Variants in ANKRD34C observed in about 807,000 individuals in gnomAD.
The protein encoded by ANKRD34C is ankyrin repeat domain 34C, also known as ankyrin repeat domain-containing protein 34C.
For synonymous variants in ANKRD34C, 260 were observed against 253.6 expected (o/e 1.03, Z -0.24); for missense variants, 563 against 653.0 (o/e 0.86, Z 1.50).
chr15:79,283,904 C>G (rs2058636379), intron 1 of ANKRD34C: 1 of 152,240 alleles, frequency 6.6e-6, no homozygotes, highest in African/African-American at 2.4e-5. Flanking sequence ...AAAGGGCTCT[C>G]GAATCGCAAA....
rs1329624570 is a variant in ANKRD34C, at chr15:79,293,436, C to T, written c.152C>T (p.Ala51Val). The change falls in exon 2 of 2, where the codon GCG (alanine) becomes GTG (valine). Residue 51 changes from alanine (A) to valine (V), a missense_variant. Ala to Val is a moderately conservative substitution (Grantham distance 64, BLOSUM62 0). Coordinates refer to ENST00000421388, the MANE Select transcript of ANKRD34C (RefSeq NM_001146341.2). ...NDKGETALMV[A>V]CITKHVDQQS... The stretch of plus-strand genomic sequence containing the variant: ...AAAGGCGAAACAGCTCTCATGGTGG[C>T]GTGCATCACCAAACATGTGGACCAG... The T allele has an allele frequency of 8.4e-6, 13 of 1,551,560 alleles. No homozygotes were observed. Among genetic ancestry groups the T allele is most frequent in the South Asian group, 5.9e-5 (5 of 84,050 alleles).
chr15:79,294,374 T>C lies in ANKRD34C; in HGVS notation c.1090T>C (p.Ser364Pro), dbSNP rs1265185613. The stretch of plus-strand genomic sequence containing the variant: ...ATGTGGTATGGGTCCATCAGGACCC[T>C]CTGCTCTCAAAGAGCCTGCATCCCT... ...EKCGMGPSGPSALKEPASLKW... is the reference protein window; with the variant it reads ...EKCGMGPSGPPALKEPASLKW... The change falls in exon 2 of 2, where the codon TCT becomes CCT. Residue 364 changes from serine (S) to proline (P), a missense_variant. By Grantham distance (74) the Ser-to-Pro change is moderately conservative (BLOSUM62 -1). Transcript: ENST00000421388. 6.4e-7 allele frequency: 1 copy of C among 1,551,602 alleles called. No individual in the cohort carries two copies. The highest frequency in any genetic ancestry group is 2.0e-5 in the Admixed American group (1 of 50,988).
rs777888722 is a variant in ANKRD34C at position 79,293,959 on chromosome 15, T to C, written c.675T>C (p.Ala225=). 6 of 1,551,678 alleles carry C rather than the reference T, an allele frequency of 3.9e-6. No individual in the cohort carries two copies. In the South Asian group the frequency reaches 7.1e-5, roughly 18 times the overall value. The change falls in exon 2 of 2, where the codon GCT becomes GCC. Residue 225 remains alanine, a synonymous_variant. Transcript: ENST00000421388. ...CAAGCAGTTGTAACACCTCCAAGGC[T>C]GTTAATGAGCCTGGGTCACCCACCA... ...GHPSSCNTSK[A]VNEPGSPTRK...
At position 79,293,473 on chromosome 15, in the gene ANKRD34C, C is replaced by G; in HGVS notation, c.189C>G (p.Ser63Arg). Residue 63 changes from serine to arginine, a missense_variant, in exon 2 of 2, where the codon AGC (serine) becomes AGG (arginine). By Grantham distance (110) the Ser-to-Arg change is moderately radical. Transcript: ENST00000421388. ...AACATGTGGACCAGCAAAGCATCAG[C>G]AAGTCCAAGATGGTGAAGTACCTGC... ...ITKHVDQQSI[S>R]KSKMVKYLLD... 6.4e-7 allele frequency: 1 copy of G among 1,551,662 alleles called. No homozygotes were observed. The highest frequency in any genetic ancestry group is 8.7e-7 in the Non-Finnish European group (1 of 1,146,974).
At chr15:79,288,399 T>C (rs2058651103) in intron 1 of ANKRD34C, among the ~76,000 whole-genome samples, 1 of 152,158 alleles carries the variant, frequency 6.6e-6, no homozygotes, top group African/African-American at 2.4e-5. Flanking sequence ...GAACAGGAAA[T>C]TGGGTGAGGA....
intron 1 of ANKRD34C, among the ~76,000 whole-genome samples, chr15:79,287,949 C>G (rs76670357): frequency 0.01 from 1,565 of 152,312 alleles, 31 homozygotes; most frequent in African/African-American, 0.036. Context: ...TTGAGTCAGC[C>G]CTGCACATGG....
rs2058675135 is a variant in ANKRD34C, at chr15:79,297,559, G to T, written c.*2667G>T. The T allele has an allele frequency of 1.2e-5, 2 of 167,010 alleles. No individual in the cohort carries two copies. Among genetic ancestry groups the T allele is most frequent in the African/African-American group, 4.8e-5 (2 of 41,422 alleles). 10.3% of individuals were successfully genotyped at this position (167,010 alleles called of 1,614,324 possible). On this transcript the variant is annotated 3_prime_UTR_variant, in exon 2 of 2. Coordinates refer to ENST00000421388, the MANE Select transcript of ANKRD34C (RefSeq NM_001146341.2). Reference sequence around the variant, plus strand: ...ATCAGGTACTCTCATGCCACTCATTGCCTGCATCAGTCAGTCATGACCTTT... The same window carrying T: ...ATCAGGTACTCTCATGCCACTCATTTCCTGCATCAGTCAGTCATGACCTTT...
Position 79,294,085 on chromosome 15 carries a change from G to A in ANKRD34C, c.801G>A (p.Thr267=), listed in dbSNP as rs1349930365. 14 of 1,551,416 alleles carry A rather than the reference G, an allele frequency of 9.0e-6. No individual in the cohort carries two copies. Among genetic ancestry groups the A allele is most frequent in the Middle Eastern group, 1.7e-4 (1 of 6,014 alleles). Residue 267 remains threonine, a synonymous_variant, in exon 2 of 2, where the codon ACG becomes ACA. Transcript: ENST00000421388. Reference sequence around the variant, plus strand: ...CGCCCTCGGTGCTGGCAGCCTCGACGCGTCAGGATGAGACCCATGGTGCCA... The same window carrying A: ...CGCCCTCGGTGCTGGCAGCCTCGACACGTCAGGATGAGACCCATGGTGCCA... ...LIAPSVLAAS[T]RQDETHGAST...
rs1261065476 is a variant in ANKRD34C at position 79,296,481 on chromosome 15, T to C, written c.*1589T>C. The stretch of plus-strand genomic sequence containing the variant: ...ACGCTACACAAAATGGAATAAAGTT[T>C]CTCTGGAAAAGTTCAAGTATCTCTA... On this transcript the variant is annotated 3_prime_UTR_variant, in exon 2 of 2. Coordinates refer to ENST00000421388, the MANE Select transcript of ANKRD34C (RefSeq NM_001146341.2). 1 of 167,112 alleles carries C rather than the reference T, an allele frequency of 6.0e-6. No homozygotes were observed. The highest frequency in any genetic ancestry group is 1.5e-5 in the Non-Finnish European group (1 of 68,126). 10.4% of individuals were successfully genotyped at this position (167,112 alleles called of 1,614,324 possible).
In ANKRD34C at chr15:79,294,099, C is replaced by T. The variant is rs2058666477; in HGVS notation, c.815C>T (p.Thr272Ile). Residue 272 changes from threonine to isoleucine, a missense_variant, in exon 2 of 2, where the codon ACC becomes ATC. Coordinates refer to ENST00000421388, the MANE Select transcript of ANKRD34C (RefSeq NM_001146341.2). ...GCAGCCTCGACGCGTCAGGATGAGACCCATGGTGCCAGCACAGACAACGAG... is the reference window on the plus strand; with the variant it reads ...GCAGCCTCGACGCGTCAGGATGAGATCCATGGTGCCAGCACAGACAACGAG... ...VLAASTRQDE[T>I]HGASTDNEVI... 1 of 1,551,556 alleles carries T rather than the reference C, an allele frequency of 6.4e-7. No individual in the cohort carries two copies. The highest frequency in any genetic ancestry group is 8.7e-7 in the Non-Finnish European group (1 of 1,146,980).
In ANKRD34C at chr15:79,282,906, A is replaced by AAAACC. The variant is rs527508995; in HGVS notation, c.-346_-342dup. 1.3e-3 allele frequency among the ~76,000 whole-genome samples: 199 copies of AAAACC among 152,332 alleles called. No homozygotes were observed. Among genetic ancestry groups the AAAACC allele is most frequent in the Non-Finnish European group, 1.8e-3 (121 of 68,026 alleles). ...TCTTTCATGCTTCTTTCTTTTTCTT[A>AAAACC]AAACCAAACCAAACCAAACCAAACC... On this transcript the variant is annotated 5_prime_UTR_variant, in exon 1 of 2. Transcript: ENST00000421388.
In ANKRD34C at chr15:79,296,047, T is replaced by C. The variant is rs2058671509; in HGVS notation, c.*1155T>C. 1 of 167,140 alleles carries C rather than the reference T, an allele frequency of 6.0e-6. No homozygotes were observed. Among genetic ancestry groups the C allele is most frequent in the East Asian group, 1.9e-4 (1 of 5,206 alleles). 10.4% of individuals were successfully genotyped at this position (167,140 alleles called of 1,614,324 possible). A position where few individuals can be genotyped will look rare whatever the true frequency, so the allele number is the denominator to read the frequency against. On this transcript the variant is annotated 3_prime_UTR_variant, in exon 2 of 2. Coordinates refer to ENST00000421388, the MANE Select transcript of ANKRD34C (RefSeq NM_001146341.2). Reference sequence around the variant, plus strand: ...CAGAGACTTAGCACATTTGGTATAATGTAGCCACATCTTAGATGAATATAT... The same window carrying C: ...CAGAGACTTAGCACATTTGGTATAACGTAGCCACATCTTAGATGAATATAT...
At chr15:79,287,380 C>T (rs1015559) in intron 1 of ANKRD34C, among the ~76,000 whole-genome samples, 29,452 of 152,142 alleles carry the variant, frequency 0.19, 3,368 homozygotes, top group East Asian at 0.45. Flanking sequence ...CAGCACATTG[C>T]TTGGCACATG....
rs1400758386 is a variant in ANKRD34C at position 79,294,989 on chromosome 15, C to T, written c.*97C>T. On this transcript the variant is annotated 3_prime_UTR_variant, in exon 2 of 2. Transcript: ENST00000421388. ...ATTCCTTAATGTTGAACTGTGGCCA[C>T]TTCAGAAGATATAAAAGCAGGATGC... 3 of 1,277,206 alleles carry T rather than the reference C, an allele frequency of 2.3e-6. No homozygotes were observed. In the East Asian group the frequency reaches 7.7e-5, roughly 33 times the overall value. The allele number at this position is 1,277,206 out of a possible 1,614,324, so 79.1% of individuals were successfully genotyped here. A position where few individuals can be genotyped will look rare whatever the true frequency, so the allele number is the denominator to read the frequency against.
chr15:79,288,812 CTTTTTTTTTTT>C (rs60075615), intron 1 of ANKRD34C, among the ~76,000 whole-genome samples: 9 of 55,564 alleles, frequency 1.6e-4, no homozygotes, highest in African/African-American at 5.0e-4. Flanking sequence ...GCCCAGTATT[CTTTTTTTTTTT>C]TTTTTTTTTT....
rs2141204652 is a variant in ANKRD34C at position 79,297,055 on chromosome 15, A to G, written c.*2163A>G. The G allele has an allele frequency of 6.0e-6, 1 of 167,236 alleles. No individual in the cohort carries two copies. The highest frequency in any genetic ancestry group is 2.4e-5 in the African/African-American group (1 of 41,582). 10.4% of individuals were successfully genotyped at this position (167,236 alleles called of 1,614,324 possible). A position where few individuals can be genotyped will look rare whatever the true frequency, so the allele number is the denominator to read the frequency against. On this transcript the variant is annotated 3_prime_UTR_variant, in exon 2 of 2. Coordinates refer to ENST00000421388, the MANE Select transcript of ANKRD34C (RefSeq NM_001146341.2). Reference sequence around the variant, plus strand: ...CTCATACTTTGTAGGAAGGGAAGAAAATAAGGAAAGCACATAAACTAGCAA... The same window carrying G: ...CTCATACTTTGTAGGAAGGGAAGAAGATAAGGAAAGCACATAAACTAGCAA...
In ANKRD34C at chr15:79,294,488, C is replaced by A. The variant is rs1489025805; in HGVS notation, c.1204C>A (p.Pro402Thr). ...CATTTCCCTTGAATCCGGCAAAGGA[C>A]CTTTAGATAGAAAGAAGCTCAACAG... ...NSISLESGKG[P>T]LDRKKLNSSH... The change falls in exon 2 of 2, where the codon CCT becomes ACT. Residue 402 changes from proline (P) to threonine (T), a missense_variant. Physicochemically the swap from Pro to Thr is conservative, Grantham distance 38 (BLOSUM62 -1). Coordinates refer to ENST00000421388, the MANE Select transcript of ANKRD34C (RefSeq NM_001146341.2). The A allele has an allele frequency of 4.5e-6, 7 of 1,551,624 alleles. No homozygotes were observed. The highest frequency in any genetic ancestry group is 6.1e-6 in the Non-Finnish European group (7 of 1,147,002).
chr15:79,289,057 T>C (rs1005102390), intron 1 of ANKRD34C, among the ~76,000 whole-genome samples: 2 of 152,150 alleles, frequency 1.3e-5, no homozygotes, highest in African/African-American at 2.4e-5. Context: ...TGACCTCAGG[T>C]GATCCACCCG....
At position 79,291,613 on chromosome 15, in the gene ANKRD34C, G is replaced by C. The variant is rs866037845; in HGVS notation, c.-44-1628G>C. 2.6e-3 allele frequency among the ~76,000 whole-genome samples: 357 copies of C among 137,046 alleles called. 3 individuals are homozygous for C. The highest frequency in any genetic ancestry group is 5.5e-3 in the African/African-American group (200 of 36,256). 89.9% of individuals were successfully genotyped at this position (137,046 alleles called of 152,430 possible). A position where few individuals can be genotyped will look rare whatever the true frequency, so the allele number is the denominator to read the frequency against. ...ACACACACACACACAGAGAGAGAGAGAGAGAGAGAGAGAGAGAGATCAGTA... is the reference window on the plus strand; with the variant it reads ...ACACACACACACACAGAGAGAGAGACAGAGAGAGAGAGAGAGAGATCAGTA... On this transcript the variant is annotated intron_variant, in intron 1 of 1. Coordinates refer to ENST00000421388, the MANE Select transcript of ANKRD34C (RefSeq NM_001146341.2).
Sources: allele counts gnomAD v4.1 joint callset (sites outside exome capture counted in the v4.1 genomes callset), GRCh38; gene constraint gnomAD v4.1.1; transcripts MANE v1.5; gene names NCBI Gene and HGNC (gene_info 2026-07-23, HGNC 2026-07-21).